STK17B: variants seen among roughly 807,000 people sequenced by gnomAD.
STK17B encodes serine/threonine kinase 17b.
Under a neutral mutation model 42.0 loss-of-function variants are expected in STK17B, and 21 were observed. The ratio of observed to expected loss-of-function variants is 0.50; its 90% confidence interval spans 0.35 to 0.72. The LOEUF (loss-of-function observed/expected upper bound fraction) is 0.72, where lower values mean the gene tolerates loss of function less well. Ranked by LOEUF, STK17B falls within the 30% of genes least tolerant of loss-of-function variation. The probability of loss-of-function intolerance (pLI) is 0.00; values close to 1 mark genes in which losing one functional copy is unlikely to be tolerated. For missense variants in STK17B, 349 were observed against 446.0 expected (o/e 0.78, Z 1.96); for synonymous variants, 143 against 148.4 (o/e 0.96, Z 0.26).
chr2:196,153,915 G>A (rs1699702184), intron 3 of STK17B: 1 of 152,118 alleles, frequency 6.6e-6, no homozygotes, highest in Admixed American at 6.6e-5. Flanking sequence ...TAAAAAGTGG[G>A]AAAGGGAAAT....
intron 3 of STK17B, 98 bp downstream of exon 3, chr2:196,156,341 C>T: frequency 4.8e-6 from 5 of 1,043,472 alleles, no homozygotes; most frequent in Non-Finnish European, 5.4e-6. Context: ...TAACAGGAAT[C>T]TTTACAAGTT....
chr2:196,158,694 T>C (rs1351424045), intron 2 of STK17B, among the ~76,000 whole-genome samples: 1 of 152,028 alleles, frequency 6.6e-6, no homozygotes, highest in Non-Finnish European at 1.5e-5. Context: ...TTCTAATCAC[T>C]ATAAAACAAT....
intron 2 of STK17B, among the ~76,000 whole-genome samples, chr2:196,157,567 G>A (rs1699756129): frequency 6.6e-6 from 1 of 152,122 alleles, no homozygotes; most frequent in African/African-American, 2.4e-5. Flanking sequence ...AGTAGTCTTT[G>A]AAGCCTGTAA....
At chr2:196,141,682 T>C (rs1238300414) in intron 5 of STK17B, among the ~76,000 whole-genome samples, 1 of 152,080 alleles carries the variant, frequency 6.6e-6, no homozygotes, top group Admixed American at 6.5e-5. Flanking sequence ...TGTAACTGGA[T>C]TTAATTTTGG....
intron 2 of STK17B, among the ~76,000 whole-genome samples, chr2:196,157,160 T>A (rs7581486): frequency 0.16 from 7,224 of 44,504 alleles, 477 homozygotes; most frequent in East Asian, 0.56. Flanking sequence ...AAAAAAAAAA[T>A]AAAAAAAAGA....
chr2:196,139,762 T>G lies in STK17B; in HGVS notation c.694A>C (p.Thr232Pro). 1 of 1,440,194 alleles carries G rather than the reference T, an allele frequency of 6.9e-7. No homozygotes were observed. Among genetic ancestry groups the G allele is most frequent in the Non-Finnish European group, 9.2e-7 (1 of 1,092,254 alleles). The allele number at this position is 1,440,194 out of a possible 1,614,324, so 89.2% of individuals were successfully genotyped here. A position where few individuals can be genotyped will look rare whatever the true frequency, so the allele number is the denominator to read the frequency against. The change falls in exon 7 of 8, where the codon ACA (threonine) becomes CCA (proline). Residue 232 changes from threonine (T) to proline (P), a missense_variant. This residue lies in a region of STK17B where 256 missense variants were observed against 347.7 expected (regional missense o/e 0.74). Coordinates refer to ENST00000263955, the MANE Select transcript of STK17B (RefSeq NM_004226.4). ...TTATCTTCTCCCACAAATGGTGATG[T>G]GTGAGTTAACAACATATATGCTATT... ...GIIAYMLLTH[T>P]SPFVGEDNQE... is the part of the protein sequence containing the mutation.
At chr2:196,163,874 T>A (rs973419629) in intron 1 of STK17B, among the ~76,000 whole-genome samples, 4 of 151,618 alleles carry the variant, frequency 2.6e-5, no homozygotes, top group Non-Finnish European at 4.4e-5. Context: ...CCCATCTCTA[T>A]GAAAAAATTT....
upstream of STK17B, chr2:196,174,154 G>A (rs1292722713): frequency 2.0e-5 from 3 of 152,220 alleles, no homozygotes; most frequent in Non-Finnish European, 4.4e-5. Context: ...TGTTATGGCA[G>A]TCCAAGCAAA....
At chr2:196,145,764 A>T in intron 4 of STK17B, 147 bp downstream of exon 4, 2 of 627,534 alleles carry the variant, frequency 3.2e-6, no homozygotes, top group Non-Finnish European at 5.0e-6. Context: ...AAGGCCACAT[A>T]GGCACACGTA....
chr2:196,156,403 A>T, intron 3 of STK17B, 36 bp downstream of exon 3: 1 of 1,465,468 alleles, frequency 6.8e-7, no homozygotes, highest in Non-Finnish European at 9.3e-7. Context: ...ATCTTTTCAT[A>T]CCAACTAAAA....
chr2:196,168,013 T>C (rs1248721267), intron 1 of STK17B, among the ~76,000 whole-genome samples: 1 of 152,226 alleles, frequency 6.6e-6, no homozygotes, highest in Non-Finnish European at 1.5e-5. Flanking sequence ...AGTCATTGAT[T>C]AGAAGTATTG....
At chr2:196,148,926 G>C (rs775492223) in intron 3 of STK17B, among the ~76,000 whole-genome samples, 3 of 152,152 alleles carry the variant, frequency 2.0e-5, no homozygotes, top group Non-Finnish European at 2.9e-5. Flanking sequence ...AAGACTGCCT[G>C]GGTTTCACTC....
intron 6 of STK17B, among the ~76,000 whole-genome samples, chr2:196,140,100 A>G (rs757348832): frequency 6.6e-4 from 100 of 152,250 alleles, no homozygotes; most frequent in Admixed American, 1.6e-3. Flanking sequence ...CTGCTGCAGC[A>G]TTTCCTAAGT....
intron 3 of STK17B, chr2:196,154,705 T>C (rs555317597): frequency 6.6e-6 from 1 of 152,196 alleles, no homozygotes; most frequent in Non-Finnish European, 1.5e-5. Context: ...TTTCACCATA[T>C]AAAAATTATG....
chr2:196,141,986 T>C (rs928641603), intron 5 of STK17B, among the ~76,000 whole-genome samples: 1 of 152,196 alleles, frequency 6.6e-6, no homozygotes, highest in Non-Finnish European at 1.5e-5. Context: ...ATTTAGGTTT[T>C]TCTTTTGGGG....
At chr2:196,143,432 T>C in intron 5 of STK17B, 128 bp downstream of exon 5, 1 of 907,472 alleles carries the variant, frequency 1.1e-6, no homozygotes, top group Non-Finnish European at 1.6e-6. Context: ...TTTTAATGTA[T>C]CAAAATACTT....
Position 196,134,349 on chromosome 2 carries a change from A to C in STK17B, c.*3098T>G, listed in dbSNP as rs1699365941. 6.6e-6 allele frequency: 1 copy of C among 151,988 alleles called. No homozygotes were observed. The highest frequency in any genetic ancestry group is 1.5e-5 in the Non-Finnish European group (1 of 68,038). The allele number at this position is 151,988 out of a possible 1,614,324, so 9.4% of individuals were successfully genotyped here. A position where few individuals can be genotyped will look rare whatever the true frequency, so the allele number is the denominator to read the frequency against. ...GTGCCAAGCATTACTGCCTGAGCTC[A>C]GTTTCCTGTTAGATCAGCCATGGCA... is the stretch of plus-strand genomic sequence containing the variant. On this transcript the variant is annotated 3_prime_UTR_variant, in exon 8 of 8. Coordinates refer to ENST00000263955, the MANE Select transcript of STK17B (RefSeq NM_004226.4).
chr2:196,147,865 G>A (rs1699603485), intron 3 of STK17B, among the ~76,000 whole-genome samples: 1 of 151,712 alleles, frequency 6.6e-6, no homozygotes, highest in Non-Finnish European at 1.5e-5. Flanking sequence ...CCGAGTAGCT[G>A]GGACTACAGG....
chr2:196,161,405 A>G (rs1699810422), intron 2 of STK17B, among the ~76,000 whole-genome samples: 1 of 152,068 alleles, frequency 6.6e-6, no homozygotes, highest in African/African-American at 2.4e-5. Context: ...ATCTTTTAAT[A>G]CACCATTAAA....
Sources: allele counts gnomAD v4.1 joint callset (sites outside exome capture counted in the v4.1 genomes callset), GRCh38; gene constraint gnomAD v4.1.1; regional missense constraint gnomAD v4.1.1; transcripts MANE v1.5; gene names NCBI Gene and HGNC (gene_info 2026-07-23, HGNC 2026-07-21).